The following HSD17B13 variants were observed in gnomAD, a reference collection of about 807,000 sequenced individuals.
HSD17B13 encodes 17-beta-hydroxysteroid dehydrogenase 13.
Under a neutral mutation model 31.1 loss-of-function variants are expected in HSD17B13, and 26 were observed. The observed-to-expected ratio is 0.84, with a 90% CI of 0.61 to 1.16. HSD17B13 has a LOEUF of 1.16. HSD17B13 is among the 50% of genes most tolerant of loss of function. The pLI is 0.00. For synonymous variants in HSD17B13, 141 were observed against 133.7 expected (o/e 1.05, Z -0.38); for missense variants, 374 against 366.5 (o/e 1.02, Z -0.17).
intron 5 of HSD17B13, among the ~76,000 whole-genome samples, chr4:87,312,964 A>G (rs935352529): frequency 8.0e-5 from 12 of 150,112 alleles, no homozygotes; most frequent in African/African-American, 2.8e-4. Context: ...GAGGCTGAGG[A>G]AGGAGAATTG....
At chr4:87,305,817 T>C (rs1243135657) in intron 6 of HSD17B13, among the ~76,000 whole-genome samples, 1 of 152,202 alleles carries the variant, frequency 6.6e-6, no homozygotes, top group Non-Finnish European at 1.5e-5. Flanking sequence ...GTCAGCCCAA[T>C]TATGAATCTG....
intron 1 of HSD17B13, among the ~76,000 whole-genome samples, chr4:87,319,568 C>G (rs529135291): frequency 1.3e-5 from 2 of 152,218 alleles, no homozygotes; most frequent in Non-Finnish European, 2.9e-5. Context: ...TAATGGTAAA[C>G]TGTATGCCTC....
At chr4:87,311,205 C>T (rs753006349) in intron 5 of HSD17B13, among the ~76,000 whole-genome samples, 8 of 152,252 alleles carry the variant, frequency 5.3e-5, no homozygotes, top group South Asian at 2.1e-4. Context: ...ACCCTTTTCC[C>T]GGAAAACTCA....
intron 5 of HSD17B13, 61 bp downstream of exon 5, chr4:87,313,762 C>A: frequency 7.1e-7 from 1 of 1,403,072 alleles, no homozygotes; most frequent in South Asian, 1.3e-5. Flanking sequence ...AAACATTTCT[C>A]ATTAGTTTTC....
chr4:87,308,473 C>A (rs1331206497), intron 6 of HSD17B13, among the ~76,000 whole-genome samples: 1 of 104,494 alleles, frequency 9.6e-6, no homozygotes, highest in African/African-American at 3.7e-5. Context: ...CAGGGTGAAA[C>A]CCCGTCTCTA....
At position 87,305,079 on chromosome 4, in the gene HSD17B13, T is replaced by C. The variant is rs11735092; in HGVS notation, c.*139A>G. ...CAGGAAGACAGGTAATTAATCTTGTTCGTTTGACTGCTGCTAGTGCCAAAC... is the reference window on the plus strand; with the variant it reads ...CAGGAAGACAGGTAATTAATCTTGTCCGTTTGACTGCTGCTAGTGCCAAAC... On this transcript the variant is annotated 3_prime_UTR_variant, in exon 7 of 7. Transcript: ENST00000328546. 0.37 allele frequency: 165,762 copies of C among 450,356 alleles called. 32,519 individuals are homozygous for C. The highest frequency in any genetic ancestry group is 0.42 in the Non-Finnish European group (110,290 of 261,416). 27.9% of individuals were successfully genotyped at this position (450,356 alleles called of 1,614,324 possible). A position where few individuals can be genotyped will look rare whatever the true frequency, so the allele number is the denominator to read the frequency against.
At chr4:87,320,229 T>G (rs1249698477) in intron 1 of HSD17B13, among the ~76,000 whole-genome samples, 1 of 152,102 alleles carries the variant, frequency 6.6e-6, no homozygotes, top group Non-Finnish European at 1.5e-5. Context: ...AAAAAAAGAA[T>G]AGGAGAGTCT....
At chr4:87,311,163 A>C (rs1734522995) in intron 5 of HSD17B13, among the ~76,000 whole-genome samples, 1 of 152,192 alleles carries the variant, frequency 6.6e-6, no homozygotes. Flanking sequence ...TGGCCTAAAA[A>C]GGGGAGGAAA....
chr4:87,305,713 CAATA>C (rs146552590), intron 6 of HSD17B13, among the ~76,000 whole-genome samples: 1 of 146,772 alleles, frequency 6.8e-6, no homozygotes, highest in East Asian at 1.9e-4. Context: ...AACTCCATCT[CAATA>C]AATAAATAAA....
intron 3 of HSD17B13, among the ~76,000 whole-genome samples, chr4:87,316,272 G>A (rs1734647448): frequency 6.6e-6 from 1 of 152,202 alleles, no homozygotes. Context: ...TGAGAGGATA[G>A]TGAACATACA....
intron 6 of HSD17B13, among the ~76,000 whole-genome samples, chr4:87,309,090 C>T (rs1490732162): frequency 6.6e-6 from 1 of 151,964 alleles, no homozygotes; most frequent in Non-Finnish European, 1.5e-5. Context: ...GCGTCAAAAA[C>T]CGTCAAATAG....
At chr4:87,305,717 A>C (rs1734376068) in intron 6 of HSD17B13, among the ~76,000 whole-genome samples, 1 of 130,608 alleles carries the variant, frequency 7.7e-6, no homozygotes, top group Non-Finnish European at 1.5e-5. Context: ...CCATCTCAAT[A>C]AATAAATAAA....
At chr4:87,305,444 T>C (rs1734369798) in intron 6 of HSD17B13, 136 bp from the exon 7 acceptor site, 1 of 485,428 alleles carries the variant, frequency 2.1e-6, no homozygotes, top group East Asian at 3.3e-5. Context: ...TTTCTTCTCT[T>C]GCAACCACCT....
At position 87,322,727 on chromosome 4, in the gene HSD17B13, C is replaced by T. The variant is rs1364197553; in HGVS notation, c.115G>A (p.Val39Ile). The change falls in exon 1 of 7, where the codon GTT (valine) becomes ATT (isoleucine). Residue 39 changes from valine (V) to isoleucine (I), a missense_variant. Val to Ile is a conservative substitution (Grantham distance 29). Coordinates refer to ENST00000328546, the MANE Select transcript of HSD17B13 (RefSeq NM_178135.5). ...QRRKSVAGEIVLITGAGHGIG... is the reference protein window; with the variant it reads ...QRRKSVAGEIILITGAGHGIG... Reference sequence around the variant, plus strand: ...CCATGCCCAGCTCCAGTAATGAGAACAATCTCCCCAGCCACAGATTTTCTC... The same window carrying T: ...CCATGCCCAGCTCCAGTAATGAGAATAATCTCCCCAGCCACAGATTTTCTC... The T allele has an allele frequency of 6.2e-7, 1 of 1,614,032 alleles. No homozygotes were observed. The highest frequency in any genetic ancestry group is 1.7e-5 in the Admixed American group (1 of 60,016).
At chr4:87,313,701 TAAGAAA>T (rs1734584381) in intron 5 of HSD17B13, 116 bp downstream of exon 5, 1 of 746,962 alleles carries the variant, frequency 1.3e-6, no homozygotes, top group East Asian at 3.0e-5. Flanking sequence ...ATAATAATAA[TAAGAAA>T]AATTATTTTT....
intron 1 of HSD17B13, among the ~76,000 whole-genome samples, chr4:87,318,834 A>G (rs1248578250): frequency 6.6e-6 from 1 of 151,890 alleles, no homozygotes; most frequent in East Asian, 1.9e-4. Flanking sequence ...TTCATGTCCA[A>G]AATGAACAAT....
rs1002674472 is a variant in HSD17B13 at position 87,303,896 on chromosome 4, A to G, written c.*1322T>C. ...AATTGTTTTTGTGACTTTTAAAAAA[A>G]TCATTTGTTTTTAATAAAAACAAGA... On this transcript the variant is annotated 3_prime_UTR_variant, in exon 7 of 7. Coordinates refer to ENST00000328546, the MANE Select transcript of HSD17B13 (RefSeq NM_178135.5). 1 of 152,202 alleles carries G rather than the reference A, an allele frequency of 6.6e-6. No homozygotes were observed. Among genetic ancestry groups the G allele is most frequent in the Non-Finnish European group, 1.5e-5 (1 of 68,038 alleles). 9.4% of individuals were successfully genotyped at this position (152,202 alleles called of 1,614,324 possible). A position where few individuals can be genotyped will look rare whatever the true frequency, so the allele number is the denominator to read the frequency against.
chr4:87,320,563 A>G (rs898135940), intron 1 of HSD17B13, among the ~76,000 whole-genome samples: 4 of 151,342 alleles, frequency 2.6e-5, no homozygotes, highest in Admixed American at 2.6e-4. Context: ...ATTTTTTTGT[A>G]TTTTTAGTAG....
chr4:87,317,311 C>A, intron 2 of HSD17B13, 88 bp from the exon 3 acceptor site: 1 of 1,330,328 alleles, frequency 7.5e-7, no homozygotes, highest in East Asian at 2.4e-5. Flanking sequence ...GAGAGTCTTT[C>A]TTCTATTGTA....
Sources: gnomAD v4.1 joint callset for allele counts (sites outside exome capture counted in the v4.1 genomes callset) on GRCh38, gnomAD v4.1.1 for gene constraint, MANE v1.5 for transcripts, NCBI Gene and HGNC (gene_info 2026-07-23, HGNC 2026-07-21) for gene names.